NCAM2: variants seen among roughly 807,000 people sequenced by gnomAD.
NCAM2 encodes N-CAM-2.
A neutral mutation model predicts 98.1 loss-of-function variants in NCAM2; 30 were observed. That is an observed-to-expected ratio of 0.31 (90% CI 0.23 to 0.41). The LOEUF (loss-of-function observed/expected upper bound fraction) is 0.41. Ranked by LOEUF, NCAM2 falls within the 10% of genes least tolerant of loss-of-function variation. NCAM2 has a pLI of 1.00. For synonymous variants in NCAM2, 368 were observed against 342.4 expected (o/e 1.07, Z -0.83); for missense variants, 867 against 1,005.8 (o/e 0.86, Z 1.87).
chr21:21,494,710 A>G (rs1257802719), intron 15 of NCAM2, among the ~76,000 whole-genome samples: 1 of 151,984 alleles, frequency 6.6e-6, no homozygotes, highest in Non-Finnish European at 1.5e-5. Flanking sequence ...AACATACATA[A>G]TAATGTGAAA....
intron 1 of NCAM2, among the ~76,000 whole-genome samples, chr21:21,178,054 T>C (rs1029077206): frequency 2.0e-5 from 3 of 152,292 alleles, no homozygotes; most frequent in East Asian, 3.9e-4. Context: ...TGTCATTGCA[T>C]TGAAATTAAT....
chr21:21,133,662 CAT>C (rs1263742449), intron 1 of NCAM2, among the ~76,000 whole-genome samples: 3 of 152,164 alleles, frequency 2.0e-5, no homozygotes, highest in Admixed American at 6.5e-5. Flanking sequence ...AAAAAGATCT[CAT>C]AGAATTATTC....
chr21:21,540,759 T>C lies in NCAM2; in HGVS notation c.*2802T>C, dbSNP rs1319056590. On this transcript the variant is annotated 3_prime_UTR_variant, in exon 18 of 18. Coordinates refer to ENST00000400546, the MANE Select transcript of NCAM2 (RefSeq NM_004540.5). ...TATTTTAAACCAAGAGGCAAAGATATCACCTAAAACTTGGTATTTCTTGAT... is the reference window on the plus strand; with the variant it reads ...TATTTTAAACCAAGAGGCAAAGATACCACCTAAAACTTGGTATTTCTTGAT... The C allele has an allele frequency of 6.6e-6, 1 of 151,954 alleles. No individual in the cohort carries two copies. Among genetic ancestry groups the C allele is most frequent in the Non-Finnish European group, 1.5e-5 (1 of 67,894 alleles). 9.4% of individuals were successfully genotyped at this position (151,954 alleles called of 1,614,324 possible).
intron 1 of NCAM2, among the ~76,000 whole-genome samples, chr21:21,027,721 T>C (rs1220117951): frequency 2.6e-5 from 4 of 152,220 alleles, no homozygotes; most frequent in Non-Finnish European, 5.9e-5. Flanking sequence ...TTGATCCTTC[T>C]ACACTTCCTT....
At chr21:21,258,762 T>G (rs2147331207) in intron 1 of NCAM2, among the ~76,000 whole-genome samples, 1 of 152,196 alleles carries the variant, frequency 6.6e-6, no homozygotes, top group Non-Finnish European at 1.5e-5. Context: ...TCCCTGCACC[T>G]TTAATTCTCC....
chr21:21,503,908 A>T (rs1023241097), intron 15 of NCAM2, among the ~76,000 whole-genome samples: 1 of 151,842 alleles, frequency 6.6e-6, no homozygotes, highest in East Asian at 1.9e-4. Flanking sequence ...CATTTTTCAT[A>T]ACAGCAATAC....
chr21:21,385,496 G>T (rs2076252387), intron 9 of NCAM2: 1 of 500,126 alleles, frequency 2.0e-6, no homozygotes, highest in Non-Finnish European at 3.6e-6. Context: ...GTAGAAAAGA[G>T]TCAAACCATT....
At chr21:21,311,289 A>G (rs1261820152) in intron 5 of NCAM2, among the ~76,000 whole-genome samples, 1 of 151,856 alleles carries the variant, frequency 6.6e-6, no homozygotes, top group African/African-American at 2.4e-5. Flanking sequence ...TGAATGAACG[A>G]ATAACAAAAA....
intron 1 of NCAM2, among the ~76,000 whole-genome samples, chr21:21,212,982 C>T (rs556358272): frequency 3.3e-5 from 5 of 152,050 alleles, no homozygotes; most frequent in Middle Eastern, 6.8e-3. Flanking sequence ...CCTCATGATC[C>T]GCCCGCCTTG....
chr21:21,079,795 C>T (rs1485872658), intron 1 of NCAM2, among the ~76,000 whole-genome samples: 3 of 152,164 alleles, frequency 2.0e-5, no homozygotes, highest in Non-Finnish European at 4.4e-5. Flanking sequence ...AGCCAGCTTA[C>T]TCTAAGAGTC....
chr21:21,473,997 A>C (rs1984823994), intron 14 of NCAM2, among the ~76,000 whole-genome samples: 1 of 151,454 alleles, frequency 6.6e-6, no homozygotes, highest in South Asian at 2.1e-4. Flanking sequence ...TAATTGGCTT[A>C]TTAATAATAG....
chr21:21,164,509 T>C (rs1038427830), intron 1 of NCAM2, among the ~76,000 whole-genome samples: 3 of 152,124 alleles, frequency 2.0e-5, no homozygotes, highest in African/African-American at 4.8e-5. Flanking sequence ...TGGACTACCT[T>C]TGGTCAGATG....
At chr21:21,071,999 G>A (rs891223165) in intron 1 of NCAM2, among the ~76,000 whole-genome samples, 1 of 149,982 alleles carries the variant, frequency 6.7e-6, no homozygotes, top group Non-Finnish European at 1.5e-5. Flanking sequence ...TGCAAGCTCC[G>A]CCTCCCGGGT....
In NCAM2 at chr21:21,411,088, GTGTGTATATATATACATATATATGTA is replaced by G. The variant is rs2076862435; in HGVS notation, c.1383+629_1383+654del. Among the ~76,000 whole-genome samples, 2 of 15,958 alleles carry G rather than the reference GTGTGTATATATATACATATATATGTA, an allele frequency of 1.3e-4. 1 individual carries two copies. The highest frequency in any genetic ancestry group is 2.3e-4 in the Non-Finnish European group (2 of 8,666). 10.5% of individuals were successfully genotyped at this position (15,958 alleles called of 152,430 possible). On this transcript the variant is annotated intron_variant, in intron 10 of 17. Coordinates refer to ENST00000400546, the MANE Select transcript of NCAM2 (RefSeq NM_004540.5). ...TATATATACACACACATATATATAT[GTGTGTATATATATACATATATATGTA>G]TATATATATACACATATATATGTAT... is the stretch of plus-strand genomic sequence containing the variant.
At position 21,431,041 on chromosome 21, in the gene NCAM2, C is replaced by T. The variant is rs749423873; in HGVS notation, c.1481-1067C>T. On this transcript the variant is annotated intron_variant, in intron 11 of 17. Coordinates refer to ENST00000400546, the MANE Select transcript of NCAM2 (RefSeq NM_004540.5). Reference sequence around the variant, plus strand: ...CCAGCCTGGCCAGAAAACGAAACTCCGTCTCAAAAAAAAAAAAAAAAAAAA... The same window carrying T: ...CCAGCCTGGCCAGAAAACGAAACTCTGTCTCAAAAAAAAAAAAAAAAAAAA... Among the ~76,000 whole-genome samples, 197 of 108,078 alleles carry T rather than the reference C, an allele frequency of 1.8e-3. 1 individual carries two copies. The highest frequency in any genetic ancestry group is 3.8e-3 in the Admixed American group (38 of 9,960). The allele number at this position is 108,078 out of a possible 152,430, so 70.9% of individuals were successfully genotyped here.
intron 10 of NCAM2, among the ~76,000 whole-genome samples, chr21:21,413,885 C>A (rs2076935364): frequency 6.6e-6 from 1 of 152,136 alleles, no homozygotes; most frequent in South Asian, 2.1e-4. Context: ...CATGAAAGAT[C>A]TCTGTGTAGC....
intron 15 of NCAM2, among the ~76,000 whole-genome samples, chr21:21,487,940 A>G (rs1177903938): frequency 6.6e-6 from 1 of 152,136 alleles, no homozygotes; most frequent in Non-Finnish European, 1.5e-5. Flanking sequence ...AGGACGGACT[A>G]AGTTTAATTT....
chr21:21,161,215 G>T (rs1032674619), intron 1 of NCAM2, among the ~76,000 whole-genome samples: 2 of 151,806 alleles, frequency 1.3e-5, no homozygotes, highest in Admixed American at 6.6e-5. Flanking sequence ...TCTTAAGACA[G>T]AATGAAGATT....
intron 15 of NCAM2, among the ~76,000 whole-genome samples, chr21:21,508,023 C>T (rs1049906931): frequency 1.3e-5 from 2 of 152,154 alleles, no homozygotes; most frequent in African/African-American, 2.4e-5. Context: ...TTCATTACTA[C>T]TTGCTCCACT....
Sources: gnomAD v4.1 joint callset for allele counts (sites outside exome capture counted in the v4.1 genomes callset) on GRCh38, gnomAD v4.1.1 for gene constraint, MANE v1.5 for transcripts, NCBI Gene and HGNC (gene_info 2026-07-23, HGNC 2026-07-21) for gene names.